The following NOX4 variants were observed in gnomAD, a reference collection of about 807,000 sequenced individuals.
NOX4 encodes the protein kidney oxidase-1.
Under a neutral mutation model 87.6 loss-of-function variants are expected in NOX4, and 69 were observed. The ratio of observed to expected loss-of-function variants is 0.79; its 90% CI spans 0.65 to 0.96. The LOEUF is 0.96. Among genes scored for constraint, NOX4 ranks in the 40% least tolerant of loss-of-function variants. NOX4 has a pLI of 0.00. For synonymous variants in NOX4, 275 were observed against 238.2 expected (o/e 1.15, Z -1.42); for missense variants, 680 against 681.5 (o/e 1.00, Z 0.02).
At chr11:89,538,696 C>A in the NOX4 span, among the ~76,000 whole-genome samples, 1 of 150,446 alleles carries the variant, frequency 6.6e-6, no homozygotes, top group Non-Finnish European at 1.5e-5. Context: ...AAACTCAGTG[C>A]TTAGTGGCTT....
chr11:89,330,520 GC>G (rs1363812318), intron 17 of NOX4, among the ~76,000 whole-genome samples: 1 of 151,618 alleles, frequency 6.6e-6, no homozygotes, highest in Non-Finnish European at 1.5e-5. Context: ...TTCTGATTTG[GC>G]AGATCTTGGA....
the NOX4 span, among the ~76,000 whole-genome samples, chr11:89,555,393 G>A: frequency 1.3e-5 from 2 of 151,916 alleles, no homozygotes; most frequent in Non-Finnish European, 2.9e-5. Flanking sequence ...GCCAAAGCAG[G>A]AAGATCACTT....
chr11:89,327,787 T>G (rs1945282396), intron 17 of NOX4, among the ~76,000 whole-genome samples: 1 of 152,088 alleles, frequency 6.6e-6, no homozygotes, highest in Non-Finnish European at 1.5e-5. Context: ...ATTAAAACTT[T>G]TTACCTTGAA....
the NOX4 span, among the ~76,000 whole-genome samples, chr11:89,517,826 A>G: frequency 2.0e-5 from 3 of 152,044 alleles, no homozygotes; most frequent in African/African-American, 7.2e-5. Flanking sequence ...GATCTTGTGT[A>G]CCACTGTAAG....
At chr11:89,477,140 T>C (rs1946198620) in intron 2 of NOX4, among the ~76,000 whole-genome samples, 1 of 152,112 alleles carries the variant, frequency 6.6e-6, no homozygotes, top group African/African-American at 2.4e-5. Flanking sequence ...CATTGTAATA[T>C]ATAATGAAAT....
chr11:89,573,501 T>C, the NOX4 span, among the ~76,000 whole-genome samples: 1 of 152,222 alleles, frequency 6.6e-6, no homozygotes, highest in African/African-American at 2.4e-5. Flanking sequence ...ATCGCCCACA[T>C]GACTCAAACT....
intron 11 of NOX4, 65 bp from the exon 12 acceptor site, chr11:89,373,557 A>T: frequency 9.4e-7 from 1 of 1,059,462 alleles, no homozygotes; most frequent in Non-Finnish European, 1.5e-6. Context: ...TAATTCAATT[A>T]CAACTTTTAT....
At position 89,369,609 on chromosome 11, in the gene NOX4, G is replaced by A. The variant is rs1939286138; in HGVS notation, c.1135+3823C>T. On this transcript the variant is annotated intron_variant, in intron 12 of 17. Transcript: ENST00000263317. Reference sequence around the variant, plus strand: ...CATGGCAACAGCAACAACAAAAAGAGTACTTCCAGGCACTCCTTTGGGTAT... The same window carrying A: ...CATGGCAACAGCAACAACAAAAAGAATACTTCCAGGCACTCCTTTGGGTAT... Among the ~76,000 whole-genome samples, 4 of 152,066 alleles carry A rather than the reference G, an allele frequency of 2.6e-5. No individual in the cohort carries two copies. The South Asian group carries it at 6.2e-4, about 24-fold the overall frequency.
At chr11:89,431,660 C>T (rs543995681) in intron 7 of NOX4, among the ~76,000 whole-genome samples, 25 of 152,166 alleles carry the variant, frequency 1.6e-4, no homozygotes, top group Non-Finnish European at 3.2e-4. Context: ...GATACCATTT[C>T]ACACCAGTTA....
At chr11:89,529,989 C>T in the NOX4 span, among the ~76,000 whole-genome samples, 3 of 151,958 alleles carry the variant, frequency 2.0e-5, no homozygotes, top group African/African-American at 7.3e-5. Flanking sequence ...ACTGTAATGG[C>T]AAATATCAGT....
the NOX4 span, among the ~76,000 whole-genome samples, chr11:89,543,228 A>G: frequency 1.3e-5 from 2 of 152,206 alleles, no homozygotes; most frequent in Non-Finnish European, 2.9e-5. Flanking sequence ...GAAAAAATAA[A>G]TAAGCAAATT....
chr11:89,405,938 A>T (rs759208411), intron 8 of NOX4, among the ~76,000 whole-genome samples: 4 of 151,998 alleles, frequency 2.6e-5, no homozygotes, highest in Non-Finnish European at 5.9e-5. Context: ...ACACTACTTT[A>T]TGGACAATCT....
At chr11:89,517,606 T>C in the NOX4 span, among the ~76,000 whole-genome samples, 1 of 151,476 alleles carries the variant, frequency 6.6e-6, no homozygotes, top group South Asian at 2.1e-4. Flanking sequence ...TCTGAGTAGC[T>C]AGGTATATGA....
chr11:89,543,614 T>C, the NOX4 span, among the ~76,000 whole-genome samples: 2 of 151,996 alleles, frequency 1.3e-5, no homozygotes, highest in Admixed American at 1.3e-4. Context: ...TTTTACATAA[T>C]AGGGAGTCGA....
intron 6 of NOX4, among the ~76,000 whole-genome samples, chr11:89,439,652 C>G (rs1051007850): frequency 1.3e-5 from 2 of 151,992 alleles, no homozygotes; most frequent in Non-Finnish European, 2.9e-5. Flanking sequence ...CATCCTTGTC[C>G]CTGAAATATG....
At chr11:89,481,676 T>A (rs1035965976) in intron 2 of NOX4, among the ~76,000 whole-genome samples, 2 of 152,116 alleles carry the variant, frequency 1.3e-5, no homozygotes, top group African/African-American at 4.8e-5. Context: ...ATGCTTAGCA[T>A]GATAGACATG....
the NOX4 span, among the ~76,000 whole-genome samples, chr11:89,584,702 T>C: frequency 2.6e-5 from 4 of 152,150 alleles, no homozygotes; most frequent in Admixed American, 1.3e-4. Context: ...TAAGTAAAAA[T>C]GTGTAGTTCA....
chr11:89,409,944 CT>C (rs1262917399), intron 8 of NOX4, among the ~76,000 whole-genome samples: 1 of 152,052 alleles, frequency 6.6e-6, no homozygotes, highest in Non-Finnish European at 1.5e-5. Flanking sequence ...AGAGCTGGGT[CT>C]GAGCATGCTG....
the NOX4 span, among the ~76,000 whole-genome samples, chr11:89,513,407 C>A: frequency 4.6e-5 from 7 of 151,684 alleles, no homozygotes; most frequent in African/African-American, 1.7e-4. Flanking sequence ...GACTTTAAAT[C>A]TCACTGAAAA....
Sources: allele counts gnomAD v4.1 joint callset (sites outside exome capture counted in the v4.1 genomes callset), GRCh38; gene constraint gnomAD v4.1.1; transcripts MANE v1.5; gene names NCBI Gene and HGNC (gene_info 2026-07-23, HGNC 2026-07-21).